PTPRR: variants seen among roughly 807,000 people sequenced by gnomAD.
The protein encoded by PTPRR is protein tyrosine phosphatase receptor type R.
PTPRR carries 38 observed loss-of-function variants against 77.2 expected under a neutral mutation model. The ratio of observed to expected loss-of-function variants is 0.49; its 90% CI spans 0.38 to 0.65. The LOEUF (loss-of-function observed/expected upper bound fraction) is 0.65, where lower values mean the gene tolerates loss of function less well. Among genes scored for constraint, PTPRR ranks in the 30% least tolerant of loss-of-function variants. The pLI is 0.00. For missense variants in PTPRR, 744 were observed against 799.2 expected, an observed-to-expected ratio of 0.93 and a Z score of 0.83; for synonymous variants, 299 against 283.1, an observed-to-expected ratio of 1.06 and a Z score of -0.57.
chr12:70,754,325 C>G, intron 4 of PTPRR, 24 bp from the exon 5 acceptor site: 2 of 1,611,790 alleles, frequency 1.2e-6, no homozygotes, highest in Non-Finnish European at 1.7e-6. Flanking sequence ...ACAGAAAGTC[C>G]GACGTTAAAT....
At position 70,721,362 on chromosome 12, in the gene PTPRR, T is replaced by C. The variant is rs560372920; in HGVS notation, c.1008-20039A>G. Among the ~76,000 whole-genome samples the C allele has an allele frequency of 7.9e-5, 12 of 152,330 alleles. 1 individual carries two copies. The highest frequency in any genetic ancestry group is 4.1e-4 in the South Asian group (2 of 4,826). ...AGCATTTCATGAGGGGCACCGCTAT[T>C]GTGAATAACAATGGACAGCCACCTC... On this transcript the variant is annotated intron_variant, in intron 6 of 13. Transcript: ENST00000283228.
At chr12:70,730,474 G>C (rs1889614861) in intron 6 of PTPRR, among the ~76,000 whole-genome samples, 1 of 151,930 alleles carries the variant, frequency 6.6e-6, no homozygotes, top group Non-Finnish European at 1.5e-5. Context: ...TCATGCCACT[G>C]TGCTCCAGCC....
chr12:70,684,038 A>G, intron 10 of PTPRR, 89 bp downstream of exon 10: 2 of 1,409,006 alleles, frequency 1.4e-6, no homozygotes, highest in Non-Finnish European at 1.9e-6. Context: ...TCCATCTTAA[A>G]TCTAAGTCCA....
At chr12:70,882,804 A>T (rs1320104370) in intron 2 of PTPRR, among the ~76,000 whole-genome samples, 1 of 152,242 alleles carries the variant, frequency 6.6e-6, no homozygotes, top group African/African-American at 2.4e-5. Flanking sequence ...CAGTTATATT[A>T]ACGAGTTACT....
intron 4 of PTPRR, among the ~76,000 whole-genome samples, chr12:70,757,244 C>T (rs901208944): frequency 6.6e-6 from 1 of 152,062 alleles, no homozygotes; most frequent in African/African-American, 2.4e-5. Context: ...TCAGTTAGCA[C>T]ATTGGACTTT....
At chr12:70,653,984 G>A (rs1039890037) in intron 13 of PTPRR, among the ~76,000 whole-genome samples, 2 of 152,158 alleles carry the variant, frequency 1.3e-5, no homozygotes, top group African/African-American at 4.8e-5. Context: ...AAGACTTAGA[G>A]GCTACTGTCT....
chr12:70,689,629 G>C (rs1419139058), intron 8 of PTPRR, among the ~76,000 whole-genome samples: 1 of 152,102 alleles, frequency 6.6e-6, no homozygotes, highest in African/African-American at 2.4e-5. Flanking sequence ...TAACAAACAA[G>C]GAGGAGAAGC....
At chr12:70,890,538 T>C (rs1027924874) in intron 2 of PTPRR, among the ~76,000 whole-genome samples, 2 of 152,108 alleles carry the variant, frequency 1.3e-5, no homozygotes, top group Admixed American at 1.3e-4. Flanking sequence ...TCCTTCCTTC[T>C]GAGCTAGGAA....
In PTPRR at chr12:70,810,517, G is replaced by A. The variant is rs569160495; in HGVS notation, c.358-45739C>T. ...GAGAGTCATCACTTAACTTTTAACAGTTATTTGATTATCAGTTTTAAAAGA... is the reference window on the plus strand; with the variant it reads ...GAGAGTCATCACTTAACTTTTAACAATTATTTGATTATCAGTTTTAAAAGA... On this transcript the variant is annotated intron_variant, in intron 2 of 13. Transcript: ENST00000283228. Among the ~76,000 whole-genome samples, 6 of 152,184 alleles carry A rather than the reference G, an allele frequency of 3.9e-5. No individual in the cohort carries two copies. In the South Asian group the frequency reaches 1.2e-3, roughly 32 times the overall value.
At chr12:70,716,472 C>CT (rs570506151) in intron 6 of PTPRR, among the ~76,000 whole-genome samples, 4 of 151,908 alleles carry the variant, frequency 2.6e-5, no homozygotes, top group Non-Finnish European at 4.4e-5. Flanking sequence ...GATAAATGTA[C>CT]TTTTTTTGTA....
At chr12:70,695,158 A>C (rs918157812) in intron 8 of PTPRR, among the ~76,000 whole-genome samples, 6 of 152,196 alleles carry the variant, frequency 3.9e-5, no homozygotes, top group African/African-American at 1.4e-4. Flanking sequence ...AGGCATTCTC[A>C]GAATTGTATA....
chr12:70,814,255 T>A (rs1044889516), intron 2 of PTPRR, among the ~76,000 whole-genome samples: 1 of 152,164 alleles, frequency 6.6e-6, no homozygotes, highest in African/African-American at 2.4e-5. Flanking sequence ...TTGTCCTAAT[T>A]GTCATCTGGG....
intron 6 of PTPRR, among the ~76,000 whole-genome samples, chr12:70,725,638 T>C (rs543844367): frequency 6.6e-6 from 1 of 152,282 alleles, no homozygotes; most frequent in East Asian, 1.9e-4. Flanking sequence ...TGAGTTGTTG[T>C]ACCCTGACAA....
At chr12:70,867,655 A>AGAAT (rs1892879396) in intron 2 of PTPRR, among the ~76,000 whole-genome samples, 1 of 152,042 alleles carries the variant, frequency 6.6e-6, no homozygotes, top group East Asian at 1.9e-4. Flanking sequence ...CAAGCTACCA[A>AGAAT]TGACTTTCTT....
At chr12:70,688,299 T>C (rs1887942271) in intron 8 of PTPRR, among the ~76,000 whole-genome samples, 1 of 152,114 alleles carries the variant, frequency 6.6e-6, no homozygotes, top group African/African-American at 2.4e-5. Context: ...TTATAAATCA[T>C]ACCTTAAGAA....
At chr12:70,762,120 T>C (rs1890705614) in intron 3 of PTPRR, among the ~76,000 whole-genome samples, 1 of 152,230 alleles carries the variant, frequency 6.6e-6, no homozygotes, top group Non-Finnish European at 1.5e-5. Context: ...TTGAAGTCCT[T>C]TTCCTGATAC....
intron 2 of PTPRR, among the ~76,000 whole-genome samples, chr12:70,772,561 G>C (rs1168801040): frequency 6.6e-6 from 1 of 152,102 alleles, no homozygotes; most frequent in African/African-American, 2.4e-5. Context: ...AGTCAAAAGA[G>C]GTATAGGGTT....
At chr12:70,803,430 C>G (rs1356280931) in intron 2 of PTPRR, among the ~76,000 whole-genome samples, 1 of 152,030 alleles carries the variant, frequency 6.6e-6, no homozygotes, top group East Asian at 1.9e-4. Flanking sequence ...AATCTAAGTG[C>G]AAACACCAAG....
intron 2 of PTPRR, among the ~76,000 whole-genome samples, chr12:70,803,342 A>G (rs1891649806): frequency 6.6e-6 from 1 of 152,186 alleles, no homozygotes; most frequent in Non-Finnish European, 1.5e-5. Flanking sequence ...CACAGAAATA[A>G]AATTGCAGGG....
Sources: allele counts gnomAD v4.1 joint callset (sites outside exome capture counted in the v4.1 genomes callset), GRCh38; gene constraint gnomAD v4.1.1; transcripts MANE v1.5; gene names NCBI Gene and HGNC (gene_info 2026-07-23, HGNC 2026-07-21).